Variants in EBF1 observed in about 807,000 individuals in gnomAD.
EBF1 encodes the protein transcription factor COE1.
Under a neutral mutation model 68.4 loss-of-function variants are expected in EBF1, and 10 were observed. That is an observed-to-expected ratio of 0.15 (90% CI 0.09 to 0.25). The LOEUF (loss-of-function observed/expected upper bound fraction) is 0.25, where lower values mean the gene tolerates loss of function less well. EBF1 is among the 10% of genes least tolerant of loss of function. The pLI is 1.00. For synonymous variants in EBF1, 298 were observed against 299.8 expected, an observed-to-expected ratio of 0.99 and a Z score of 0.06; for missense variants, 509 against 794.4, an observed-to-expected ratio of 0.64 and a Z score of 4.32.
chr5:159,041,104 AT>A (rs1188740516), intron 6 of EBF1, among the ~76,000 whole-genome samples: 2 of 152,214 alleles, frequency 1.3e-5, no homozygotes, highest in African/African-American at 4.8e-5. Context: ...GTACACCACA[AT>A]TTGGTACCCA....
chr5:159,078,281 T>TG (rs2127961494), intron 5 of EBF1, among the ~76,000 whole-genome samples: 1 of 151,778 alleles, frequency 6.6e-6, no homozygotes, highest in Admixed American at 6.6e-5. Flanking sequence ...GGACCAAGAG[T>TG]GAGCACCAAC....
At chr5:159,005,776 C>T (rs999861399) in intron 6 of EBF1, among the ~76,000 whole-genome samples, 2 of 152,112 alleles carry the variant, frequency 1.3e-5, no homozygotes, top group Non-Finnish European at 2.9e-5. Context: ...AAAGCCTCTC[C>T]CTAGGAAACT....
intron 6 of EBF1, among the ~76,000 whole-genome samples, chr5:158,904,885 A>T (rs1163861853): frequency 2.0e-5 from 3 of 152,116 alleles, no homozygotes; most frequent in Admixed American, 6.5e-5. Flanking sequence ...GTGGCATTTC[A>T]ATTTGTTATT....
At chr5:158,871,196 G>T (rs1796807930) in intron 6 of EBF1, among the ~76,000 whole-genome samples, 1 of 152,136 alleles carries the variant, frequency 6.6e-6, no homozygotes, top group African/African-American at 2.4e-5. Context: ...CAAGCCTTAG[G>T]GTCTAAGACC....
chr5:159,099,679 A>G lies in EBF1; in HGVS notation c.-201T>C. ...TAAAAAATGTAAACCTCTGCTCAAA[A>G]CTGAGCGATAACCCGAAAAAAAGAA... On this transcript the variant is annotated 5_prime_UTR_variant, in exon 1 of 16. Transcript: ENST00000313708. 1 of 501,806 alleles carries G rather than the reference A, an allele frequency of 2.0e-6. No individual in the cohort carries two copies. Among genetic ancestry groups the G allele is most frequent in the Non-Finnish European group, 3.1e-6 (1 of 320,070 alleles). The allele number at this position is 501,806 out of a possible 1,614,324, so 31.1% of individuals were successfully genotyped here.
At chr5:158,734,955 A>G (rs1764866365) in intron 10 of EBF1, among the ~76,000 whole-genome samples, 2 of 152,198 alleles carry the variant, frequency 1.3e-5, no homozygotes. Context: ...TATCCCAAAT[A>G]GAAAAGCCTC....
At chr5:158,864,597 G>T (rs1285269186) in intron 6 of EBF1, among the ~76,000 whole-genome samples, 1 of 151,820 alleles carries the variant, frequency 6.6e-6, no homozygotes, top group Non-Finnish European at 1.5e-5. Flanking sequence ...GGGGAAAAAA[G>T]ACAAAAAACA....
At chr5:158,991,525 AAAG>A (rs1333386612) in intron 6 of EBF1, among the ~76,000 whole-genome samples, 13 of 152,372 alleles carry the variant, frequency 8.5e-5, no homozygotes, top group African/African-American at 2.4e-4. Context: ...TTTTTCAAGA[AAAG>A]AAGAAGCGCG....
At chr5:158,702,743 C>CAAAAAAAA (rs58496050) in intron 15 of EBF1, among the ~76,000 whole-genome samples, 7 of 41,616 alleles carry the variant, frequency 1.7e-4, no homozygotes, top group African/African-American at 2.1e-4. Flanking sequence ...GACTCCTTCT[C>CAAAAAAAA]AAAAAAAAAA....
intron 6 of EBF1, among the ~76,000 whole-genome samples, chr5:158,877,424 T>A (rs907339228): frequency 6.6e-6 from 1 of 152,136 alleles, no homozygotes; most frequent in Non-Finnish European, 1.5e-5. Context: ...CAAAAATTTC[T>A]CTCATACTTG....
chr5:159,061,432 A>G (rs1775799689), intron 6 of EBF1, among the ~76,000 whole-genome samples: 1 of 151,378 alleles, frequency 6.6e-6, no homozygotes, highest in South Asian at 2.1e-4. Context: ...GGAACTTCCA[A>G]GAAAAAAAAA....
intron 6 of EBF1, among the ~76,000 whole-genome samples, chr5:158,872,958 T>C (rs1797132621): frequency 1.3e-5 from 2 of 150,176 alleles, no homozygotes; most frequent in African/African-American, 2.4e-5. Context: ...TCAAAAGCCA[T>C]ACCTTTGTCC....
chr5:159,081,621 G>A (rs1779752313), intron 5 of EBF1, among the ~76,000 whole-genome samples: 1 of 152,266 alleles, frequency 6.6e-6, no homozygotes, highest in South Asian at 2.1e-4. Flanking sequence ...CAGTAACAGA[G>A]AAAGGAAGAA....
intron 7 of EBF1, among the ~76,000 whole-genome samples, chr5:158,832,021 T>C (rs1033694212): frequency 4.6e-5 from 7 of 152,222 alleles, no homozygotes; most frequent in Non-Finnish European, 8.8e-5. Flanking sequence ...TAGTATGTTG[T>C]CTGACATATA....
chr5:158,804,321 T>C (rs569591746), intron 8 of EBF1, among the ~76,000 whole-genome samples: 1 of 152,188 alleles, frequency 6.6e-6, no homozygotes, highest in East Asian at 1.9e-4. Context: ...ATTTGCTAAT[T>C]ATAGACTAAG....
intron 6 of EBF1, among the ~76,000 whole-genome samples, chr5:158,947,946 T>G (rs1815142162): frequency 6.6e-6 from 1 of 152,204 alleles, no homozygotes; most frequent in Non-Finnish European, 1.5e-5. Context: ...GCACTAGTTC[T>G]CTTGGTATTT....
At chr5:158,718,377 T>TTCTA (rs1761204730) in intron 11 of EBF1, among the ~76,000 whole-genome samples, 1 of 152,164 alleles carries the variant, frequency 6.6e-6, no homozygotes. Flanking sequence ...TTTGGCTCCT[T>TTCTA]TCTATCTCCA....
intron 6 of EBF1, among the ~76,000 whole-genome samples, chr5:158,899,553 A>G (rs1022023353): frequency 7.2e-5 from 11 of 152,208 alleles, no homozygotes; most frequent in South Asian, 4.1e-4. Context: ...CTGAATCCCA[A>G]TGATCTGCTT....
chr5:158,696,711 C>T lies in EBF1; in HGVS notation c.*2400G>A, dbSNP rs1476586319. 2 of 145,842 alleles carry T rather than the reference C, an allele frequency of 1.4e-5. No individual in the cohort carries two copies. The highest frequency in any genetic ancestry group is 2.4e-4 in the East Asian group (2 of 8,354). The allele number at this position is 145,842 out of a possible 1,614,324, so 9.0% of individuals were successfully genotyped here. A position where few individuals can be genotyped will look rare whatever the true frequency, so the allele number is the denominator to read the frequency against. ...TCCTCCCTCCCCTACCCTCCCACAA[C>T]TCCCCTCCCCCACCCACCCCAACCC... On this transcript the variant is annotated 3_prime_UTR_variant, in exon 16 of 16. Transcript: ENST00000313708.
Sources: gnomAD v4.1 joint callset for allele counts (sites outside exome capture counted in the v4.1 genomes callset) on GRCh38, gnomAD v4.1.1 for gene constraint, MANE v1.5 for transcripts, NCBI Gene and HGNC (gene_info 2026-07-23, HGNC 2026-07-21) for gene names.